LYPLAL1: variants seen among roughly 807,000 people sequenced by gnomAD.
LYPLAL1 encodes the protein lysophospholipase like 1.
A neutral mutation model predicts 19.7 loss-of-function variants in LYPLAL1; 23 were observed. The ratio of observed to expected loss-of-function variants is 1.17; its 90% confidence interval spans 0.84 to 1.65. The LOEUF (loss-of-function observed/expected upper bound fraction) is 1.65, where lower values mean the gene tolerates loss of function less well. Among genes scored for constraint, LYPLAL1 ranks in the 40% most tolerant of loss-of-function variants. LYPLAL1 has a pLI of 0.00. For missense variants in LYPLAL1, 355 were observed against 279.4 expected, an observed-to-expected ratio of 1.27 and a Z score of -1.93; for synonymous variants, 119 against 96.3, an observed-to-expected ratio of 1.24 and a Z score of -1.38.
the LYPLAL1 span, among the ~76,000 whole-genome samples, chr1:219,380,427 T>G: frequency 1.3e-5 from 2 of 152,162 alleles, no homozygotes; most frequent in Non-Finnish European, 2.9e-5. Context: ...GGAAGAGTCC[T>G]GGGGAGGGAG....
intron 2 of LYPLAL1, among the ~76,000 whole-genome samples, chr1:219,182,605 C>G (rs1179392737): frequency 6.6e-6 from 1 of 152,026 alleles, no homozygotes; most frequent in Non-Finnish European, 1.5e-5. Context: ...ATTTTAATAA[C>G]CTTTTTAAAA....
At chr1:219,211,466 T>C in intron 4 of LYPLAL1, 26 bp from the exon 5 acceptor site, 2 of 1,412,640 alleles carry the variant, frequency 1.4e-6, no homozygotes, top group Non-Finnish European at 1.9e-6. Flanking sequence ...TCTTAAACTT[T>C]TCTGTCTTTG....
At chr1:219,268,066 T>A in the LYPLAL1 span, among the ~76,000 whole-genome samples, 1 of 152,214 alleles carries the variant, frequency 6.6e-6, no homozygotes, top group African/African-American at 2.4e-5. Flanking sequence ...GCACTTACTA[T>A]GTGTTAGGCA....
chr1:219,226,871 TATAAAG>T, the LYPLAL1 span, among the ~76,000 whole-genome samples: 1 of 152,232 alleles, frequency 6.6e-6, no homozygotes, highest in African/African-American at 2.4e-5. Context: ...TAAAATCATA[TATAAAG>T]ATAGTCTCAT....
the LYPLAL1 span, among the ~76,000 whole-genome samples, chr1:219,281,703 A>G: frequency 1.3e-5 from 2 of 152,122 alleles, no homozygotes; most frequent in African/African-American, 4.8e-5. Context: ...TCTCGCCTCA[A>G]TCATACCCTC....
the LYPLAL1 span, among the ~76,000 whole-genome samples, chr1:219,429,853 T>C: frequency 5.3e-5 from 8 of 152,158 alleles, no homozygotes; most frequent in African/African-American, 1.9e-4. Flanking sequence ...ACATGAAGTA[T>C]GATCCCTGCC....
chr1:219,279,693 T>C, the LYPLAL1 span, among the ~76,000 whole-genome samples: 1 of 152,172 alleles, frequency 6.6e-6, no homozygotes, highest in Non-Finnish European at 1.5e-5. Flanking sequence ...TTTTGACAAG[T>C]TGAATTTTTT....
chr1:219,295,604 A>G, the LYPLAL1 span, among the ~76,000 whole-genome samples: 1 of 151,824 alleles, frequency 6.6e-6, no homozygotes. Flanking sequence ...ATCTCCCTTA[A>G]TTTCCCTAAT....
chr1:219,401,796 T>G, the LYPLAL1 span, among the ~76,000 whole-genome samples: 1 of 152,186 alleles, frequency 6.6e-6, no homozygotes, highest in African/African-American at 2.4e-5. Context: ...CTATTGCTAG[T>G]AGGATATATG....
the LYPLAL1 span, among the ~76,000 whole-genome samples, chr1:219,398,188 A>G: frequency 6.6e-6 from 1 of 152,212 alleles, no homozygotes; most frequent in Non-Finnish European, 1.5e-5. Context: ...CAGGGACACA[A>G]ATGAGTCACA....
chr1:219,286,963 A>G, the LYPLAL1 span, among the ~76,000 whole-genome samples: 1 of 152,192 alleles, frequency 6.6e-6, no homozygotes, highest in Admixed American at 6.5e-5. Flanking sequence ...ATGGTATGGA[A>G]GGAGGACACA....
chr1:219,250,876 G>A, the LYPLAL1 span, among the ~76,000 whole-genome samples: 6 of 151,846 alleles, frequency 4.0e-5, no homozygotes, highest in Admixed American at 2.0e-4. Flanking sequence ...TTGAGGAATC[G>A]CCATACTGCT....
chr1:219,443,682 A>C, the LYPLAL1 span, among the ~76,000 whole-genome samples: 6 of 152,060 alleles, frequency 3.9e-5, no homozygotes, highest in African/African-American at 1.2e-4. Context: ...TCACAAAAAA[A>C]AAAATCACCA....
the LYPLAL1 span, among the ~76,000 whole-genome samples, chr1:219,263,632 C>T: frequency 2.6e-5 from 4 of 152,236 alleles, no homozygotes; most frequent in African/African-American, 9.6e-5. Context: ...GCTACCTTCT[C>T]CAAGGACCCC....
chr1:219,293,140 A>G, the LYPLAL1 span, among the ~76,000 whole-genome samples: 3 of 152,196 alleles, frequency 2.0e-5, no homozygotes, highest in Admixed American at 6.5e-5. Context: ...GGGATGGGAT[A>G]GCTTGCAGGA....
intron 2 of LYPLAL1, among the ~76,000 whole-genome samples, chr1:219,185,800 A>G (rs1656675475): frequency 6.6e-6 from 1 of 151,972 alleles, no homozygotes; most frequent in African/African-American, 2.4e-5. Context: ...AGACCTCACC[A>G]TGTAGTATCT....
chr1:219,191,158 C>T (rs539936283), intron 2 of LYPLAL1, among the ~76,000 whole-genome samples: 5 of 151,658 alleles, frequency 3.3e-5, no homozygotes, highest in South Asian at 2.1e-4. Context: ...CCTACCTTTC[C>T]TGTAGAAAGG....
chr1:219,312,646 C>T, the LYPLAL1 span, among the ~76,000 whole-genome samples: 1 of 152,196 alleles, frequency 6.6e-6, no homozygotes, highest in Admixed American at 6.5e-5. Context: ...GGGCTCTCTA[C>T]CTCTTTCTTC....
intron 1 of LYPLAL1, 51 bp from the exon 2 acceptor site, chr1:219,179,096 G>A: frequency 1.6e-6 from 2 of 1,285,018 alleles, no homozygotes; most frequent in Non-Finnish European, 2.2e-6. Context: ...GCTTTGAAAT[G>A]CATTGTATTA....
Sources: allele counts gnomAD v4.1 joint callset (sites outside exome capture counted in the v4.1 genomes callset), GRCh38; gene constraint gnomAD v4.1.1; transcripts MANE v1.5; gene names NCBI Gene and HGNC (gene_info 2026-07-23, HGNC 2026-07-21).